DNAH7: variants seen among roughly 807,000 people sequenced by gnomAD.
The protein encoded by DNAH7 is dynein axonemal heavy chain 7.
DNAH7 carries 397 observed loss-of-function variants against 444.6 expected under a neutral mutation model. The ratio of observed to expected loss-of-function variants is 0.89; its 90% CI spans 0.82 to 0.97. The LOEUF is 0.97. Ranked by LOEUF, DNAH7 falls within the 50% of genes least tolerant of loss-of-function variation. The pLI is 0.00. For synonymous variants in DNAH7, 1,636 were observed against 1,624.4 expected (o/e 1.01, Z -0.17); for missense variants, 4,902 against 4,800.8 (o/e 1.02, Z -0.62).
intron 54 of DNAH7, among the ~76,000 whole-genome samples, chr2:195,801,751 A>T (rs1314733221): frequency 6.6e-6 from 1 of 152,218 alleles, no homozygotes; most frequent in Non-Finnish European, 1.5e-5. Context: ...TATTTATACA[A>T]GATCTGTAAG....
Position 195,929,073 on chromosome 2 carries a change from C to G in DNAH7, c.3472-2507G>C, listed in dbSNP as rs141737164. ...CAAAAATCGGTAACATTTCTATACCCCAATAATGTTCAAGCTGAGAGCCAA... is the reference window on the plus strand; with the variant it reads ...CAAAAATCGGTAACATTTCTATACCGCAATAATGTTCAAGCTGAGAGCCAA... On this transcript the variant is annotated intron_variant, in intron 21 of 64. Transcript: ENST00000312428. 9.8e-3 allele frequency among the ~76,000 whole-genome samples: 1,488 copies of G among 152,044 alleles called. 31 individuals are homozygous for G. Among genetic ancestry groups the G allele is most frequent in the African/African-American group, 0.033 (1,387 of 41,466 alleles).
intron 7 of DNAH7, among the ~76,000 whole-genome samples, chr2:196,025,523 A>G (rs1444766833): frequency 6.6e-6 from 1 of 152,114 alleles, no homozygotes; most frequent in Non-Finnish European, 1.5e-5. Flanking sequence ...AGAGCCTCTC[A>G]TGGGCGTCTG....
intron 40 of DNAH7, among the ~76,000 whole-genome samples, chr2:195,867,474 T>C (rs1260115850): frequency 2.0e-5 from 3 of 152,234 alleles, no homozygotes; most frequent in African/African-American, 7.2e-5. Context: ...AAATTCATTC[T>C]TTAAAAGAAT....
intron 58 of DNAH7, among the ~76,000 whole-genome samples, chr2:195,778,646 AT>A (rs1695209271): frequency 1.3e-5 from 1 of 77,204 alleles, no homozygotes. Flanking sequence ...ATAAATAAAT[AT>A]ATATATATAT....
At chr2:195,807,510 AAAAT>A (rs1185280292) in intron 53 of DNAH7, among the ~76,000 whole-genome samples, 3 of 152,340 alleles carry the variant, frequency 2.0e-5, no homozygotes, top group East Asian at 3.9e-4. Flanking sequence ...TCTATTTACA[AAAAT>A]AAATAAATAT....
Position 195,858,441 on chromosome 2 carries a change from T to G in DNAH7, c.8067+33A>C, listed in dbSNP as rs917195407. The G allele has an allele frequency of 1.2e-5, 18 of 1,495,514 alleles. No homozygotes were observed. In the African/African-American group the frequency reaches 2.4e-4, roughly 20 times the overall value. The allele number at this position is 1,495,514 out of a possible 1,614,324, so 92.6% of individuals were successfully genotyped here. A position where few individuals can be genotyped will look rare whatever the true frequency, so the allele number is the denominator to read the frequency against. ...ATTTCTTTCTTGGGCTATGATGACATGTGTCCTAGAAAGTGTATGGCGAAG... is the reference window on the plus strand; with the variant it reads ...ATTTCTTTCTTGGGCTATGATGACAGGTGTCCTAGAAAGTGTATGGCGAAG... On this transcript the variant is annotated intron_variant, in intron 43 of 64. Coordinates refer to ENST00000312428, the MANE Select transcript of DNAH7 (RefSeq NM_018897.3).
intron 19 of DNAH7, among the ~76,000 whole-genome samples, chr2:195,943,352 T>C (rs912644484): frequency 2.6e-5 from 4 of 152,154 alleles, no homozygotes; most frequent in African/African-American, 7.2e-5. Context: ...AACTGTCTTA[T>C]TTCCCTTATA....
Position 195,888,503 on chromosome 2 carries a change from G to GT in DNAH7, c.5230-70dup, listed in dbSNP as rs575274000. ...AAAATAAATATGATTTGGCACCTCT[G>GT]TTTTTTTATAACCTTCAGCAAAGTC... On this transcript the variant is annotated intron_variant, in intron 32 of 64. Coordinates refer to ENST00000312428, the MANE Select transcript of DNAH7 (RefSeq NM_018897.3). 4.3e-4 allele frequency: 623 copies of GT among 1,449,784 alleles called. 2 individuals are homozygous for GT. In the African/African-American group the frequency reaches 7.9e-3, roughly 18 times the overall value. The allele number at this position is 1,449,784 out of a possible 1,614,324, so 89.8% of individuals were successfully genotyped here.
At chr2:196,021,551 G>A (rs1462031243) in intron 8 of DNAH7, among the ~76,000 whole-genome samples, 6 of 152,110 alleles carry the variant, frequency 3.9e-5, no homozygotes, top group African/African-American at 1.4e-4. Flanking sequence ...CAGGCACAGA[G>A]GCTCACACCT....
chr2:195,907,198 A>C (rs1422397963), intron 25 of DNAH7, among the ~76,000 whole-genome samples, 189 bp from the exon 26 acceptor site: 3 of 152,082 alleles, frequency 2.0e-5, no homozygotes, highest in Non-Finnish European at 4.4e-5. Context: ...AAAGAGTTTG[A>C]TCAATTGGAA....
chr2:196,054,079 T>C (rs921293990), intron 2 of DNAH7, among the ~76,000 whole-genome samples: 14 of 152,208 alleles, frequency 9.2e-5, no homozygotes, highest in Non-Finnish European at 1.9e-4. Flanking sequence ...ATAGTATTAA[T>C]TACCCTGTCA....
intron 19 of DNAH7, among the ~76,000 whole-genome samples, chr2:195,953,384 G>A (rs1042815984): frequency 2.0e-5 from 3 of 152,202 alleles, no homozygotes; most frequent in African/African-American, 7.2e-5. Context: ...CTGGCTGGGA[G>A]GTATTTCCCA....
intron 5 of DNAH7, among the ~76,000 whole-genome samples, chr2:196,033,999 C>A (rs1476146875): frequency 6.6e-6 from 1 of 152,118 alleles, no homozygotes; most frequent in Non-Finnish European, 1.5e-5. Context: ...TGCTTTCTCC[C>A]TTAGACTAAG....
intron 17 of DNAH7, among the ~76,000 whole-genome samples, chr2:195,962,431 C>T (rs149581871): frequency 1.3e-4 from 20 of 152,242 alleles, no homozygotes; most frequent in African/African-American, 4.3e-4. Flanking sequence ...GCTCACGCAG[C>T]CTCGACTTCC....
At chr2:196,061,933 T>C (rs956271726) in intron 1 of DNAH7, among the ~76,000 whole-genome samples, 1 of 152,348 alleles carries the variant, frequency 6.6e-6, no homozygotes, top group Admixed American at 6.5e-5. Context: ...CTCTTGGTCA[T>C]CAGTCTCAGT....
chr2:195,892,540 A>G (rs1043185523), intron 30 of DNAH7: 26 of 151,992 alleles, frequency 1.7e-4, no homozygotes, highest in African/African-American at 6.0e-4. Context: ...TTGAGCAGAA[A>G]GTACGAAGAT....
At chr2:196,047,583 A>C in intron 4 of DNAH7, 84 bp from the exon 5 acceptor site, 1 of 1,193,972 alleles carries the variant, frequency 8.4e-7, no homozygotes, top group Non-Finnish European at 1.1e-6. Context: ...TAAGATGCTA[A>C]ATCACCTTTT....
At chr2:195,835,108 T>C (rs190389361) in intron 47 of DNAH7, among the ~76,000 whole-genome samples, 12 of 152,312 alleles carry the variant, frequency 7.9e-5, no homozygotes, top group African/African-American at 2.9e-4. Context: ...CTGTATGATA[T>C]TCAACCACAT....
chr2:195,944,903 T>A (rs1295214973), intron 19 of DNAH7, among the ~76,000 whole-genome samples: 1 of 152,024 alleles, frequency 6.6e-6, no homozygotes, highest in Non-Finnish European at 1.5e-5. Context: ...CTTCAAATTC[T>A]TATCATATTG....
Sources: gnomAD v4.1 joint callset for allele counts (sites outside exome capture counted in the v4.1 genomes callset) on GRCh38, gnomAD v4.1.1 for gene constraint, MANE v1.5 for transcripts, NCBI Gene and HGNC (gene_info 2026-07-23, HGNC 2026-07-21) for gene names.